PDE12: variants seen among roughly 807,000 people sequenced by gnomAD.
PDE12 encodes the protein phosphodiesterase 12.
PDE12 carries 26 observed loss-of-function variants against 45.4 expected under a neutral mutation model. That is an observed-to-expected ratio of 0.57 (90% CI 0.42 to 0.79). The LOEUF is 0.79. Ranked by LOEUF, PDE12 falls within the 30% of genes least tolerant of loss-of-function variation. The probability of loss-of-function intolerance (pLI) is 0.00; values close to 1 mark genes in which losing one functional copy is unlikely to be tolerated. For synonymous variants in PDE12, 283 were observed against 323.9 expected (o/e 0.87, Z 1.36); for missense variants, 668 against 790.0 (o/e 0.85, Z 1.85).
the PDE12 span, chr3:57,628,994 C>G: frequency 1.1e-6 from 1 of 907,430 alleles, no homozygotes; most frequent in Non-Finnish European, 1.7e-6. Context: ...AAAAGGAGAA[C>G]AAAGTATTTA....
chr3:57,561,789 A>G lies in PDE12; in HGVS notation c.*1785A>G, dbSNP rs2069731798. On this transcript the variant is annotated 3_prime_UTR_variant, in exon 3 of 3. Coordinates refer to ENST00000311180, the MANE Select transcript of PDE12 (RefSeq NM_177966.7). ...ACATCTGTACTTTCATATTCTGCTC[A>G]CTATCAAATGTATTGTTAACACTTA... 1 of 983,716 alleles carries G rather than the reference A, an allele frequency of 1.0e-6. No homozygotes were observed. Among genetic ancestry groups the G allele is most frequent in the Admixed American group, 6.2e-5 (1 of 16,250 alleles). The allele number at this position is 983,716 out of a possible 1,614,324, so 60.9% of individuals were successfully genotyped here. A position where few individuals can be genotyped will look rare whatever the true frequency, so the allele number is the denominator to read the frequency against.
chr3:57,604,862 C>T, the PDE12 span, among the ~76,000 whole-genome samples: 1 of 151,958 alleles, frequency 6.6e-6, no homozygotes, highest in Non-Finnish European at 1.5e-5. Context: ...ATCCTCCCAC[C>T]TCAGCCTCCC....
the PDE12 span, among the ~76,000 whole-genome samples, chr3:57,600,362 CTTTCT>C: frequency 2.9e-4 from 44 of 151,182 alleles, no homozygotes; most frequent in African/African-American, 9.2e-4. Context: ...TCTTTCTTTC[CTTTCT>C]TTTCTTTCTT....
chr3:57,603,349 T>TTTA, the PDE12 span, among the ~76,000 whole-genome samples: 40 of 151,950 alleles, frequency 2.6e-4, no homozygotes, highest in African/African-American at 9.7e-4. Context: ...TATTTATTTA[T>TTTA]TTTTTTTAAG....
downstream of PDE12, among the ~76,000 whole-genome samples, chr3:57,570,833 A>G (rs1297133731): frequency 6.6e-6 from 1 of 152,196 alleles, no homozygotes; most frequent in Non-Finnish European, 1.5e-5. Flanking sequence ...TATATTGGCC[A>G]TACAAGTAGC....
chr3:57,648,915 T>C, the PDE12 span, among the ~76,000 whole-genome samples: 4 of 152,282 alleles, frequency 2.6e-5, no homozygotes, highest in Admixed American at 2.6e-4. Flanking sequence ...ATAAAATTTC[T>C]AGAAGATAAC....
chr3:57,608,434 C>T, the PDE12 span, among the ~76,000 whole-genome samples: 1 of 152,088 alleles, frequency 6.6e-6, no homozygotes, highest in Non-Finnish European at 1.5e-5. Context: ...TTAAAAGACA[C>T]AGACTGGCAA....
chr3:57,652,685 C>T, the PDE12 span, among the ~76,000 whole-genome samples: 1 of 152,172 alleles, frequency 6.6e-6, no homozygotes, highest in Non-Finnish European at 1.5e-5. Context: ...GAGGATACCA[C>T]ATTAATCAAG....
the PDE12 span, chr3:57,641,789 A>C: frequency 6.6e-7 from 1 of 1,510,248 alleles, no homozygotes; most frequent in Non-Finnish European, 9.1e-7. Flanking sequence ...AGGTGAGAAA[A>C]AGATGAATGC....
chr3:57,581,246 G>A, the PDE12 span, among the ~76,000 whole-genome samples: 2 of 152,174 alleles, frequency 1.3e-5, no homozygotes. Flanking sequence ...TGCTGGGAAT[G>A]CAAGCTAAGA....
At chr3:57,601,895 C>A in the PDE12 span, among the ~76,000 whole-genome samples, 2 of 151,474 alleles carry the variant, frequency 1.3e-5, no homozygotes, top group South Asian at 4.2e-4. Flanking sequence ...CAGGTGCACA[C>A]CACCACACCC....
the PDE12 span, among the ~76,000 whole-genome samples, chr3:57,636,586 G>A: frequency 6.6e-6 from 1 of 152,062 alleles, no homozygotes; most frequent in South Asian, 2.1e-4. Context: ...CCAAAGAAGA[G>A]TAAGAAAATT....
At chr3:57,645,259 G>A in the PDE12 span, among the ~76,000 whole-genome samples, 1 of 151,852 alleles carries the variant, frequency 6.6e-6, no homozygotes, top group Non-Finnish European at 1.5e-5. Context: ...TCAGGAATTC[G>A]AGATCAGCCT....
the PDE12 span, chr3:57,597,461 GC>G: frequency 9.9e-3 from 2,223 of 223,742 alleles, 53 homozygotes; most frequent in African/African-American, 0.046. Flanking sequence ...CGTCACCGCC[GC>G]CCCATCCCCC....
chr3:57,570,790 CTTT>C (rs1160331923), downstream of PDE12, among the ~76,000 whole-genome samples: 1 of 152,086 alleles, frequency 6.6e-6, no homozygotes, highest in Non-Finnish European at 1.5e-5. Flanking sequence ...GGTTGTGAAA[CTTT>C]TTTGTAGGAA....
chr3:57,646,408 C>T, the PDE12 span: 1 of 1,613,898 alleles, frequency 6.2e-7, no homozygotes, highest in Admixed American at 1.7e-5. Context: ...CCCAGAGCAT[C>T]TGACTATGAA....
chr3:57,640,048 G>A, the PDE12 span, among the ~76,000 whole-genome samples: 1 of 151,922 alleles, frequency 6.6e-6, no homozygotes, highest in Non-Finnish European at 1.5e-5. Context: ...GAGGTGGGCG[G>A]TCTGGAGGTC....
the PDE12 span, among the ~76,000 whole-genome samples, chr3:57,636,293 T>G: frequency 6.6e-6 from 1 of 152,092 alleles, no homozygotes; most frequent in Non-Finnish European, 1.5e-5. Flanking sequence ...TAAAAGAAAA[T>G]TAGTCTATAC....
At chr3:57,559,522 CT>C in intron 2 of PDE12, 39 bp from the exon 3 acceptor site, 1 of 1,567,752 alleles carries the variant, frequency 6.4e-7, no homozygotes, top group South Asian at 1.2e-5. Context: ...TTAAAGACAA[CT>C]TTAAAAAATA....
Sources: allele counts gnomAD v4.1 joint callset (sites outside exome capture counted in the v4.1 genomes callset), GRCh38; gene constraint gnomAD v4.1.1; transcripts MANE v1.5; gene names NCBI Gene and HGNC (gene_info 2026-07-23, HGNC 2026-07-21).